Variants in UST observed in about 807,000 individuals in gnomAD.
The protein encoded by UST is chondroitin sulfate 2-O-sulfotransferase.
Under a neutral mutation model 45.6 loss-of-function variants are expected in UST, and 21 were observed. That is an observed-to-expected ratio of 0.46 (90% confidence interval 0.33 to 0.66). The LOEUF is 0.66. Among genes scored for constraint, UST ranks in the 30% least tolerant of loss-of-function variants. The pLI is 0.02. For synonymous variants in UST, 215 were observed against 200.6 expected, an observed-to-expected ratio of 1.07 and a Z score of -0.61; for missense variants, 463 against 512.4, an observed-to-expected ratio of 0.90 and a Z score of 0.93.
At chr6:148,759,155 A>G (rs1412080405) in intron 1 of UST, among the ~76,000 whole-genome samples, 1 of 152,184 alleles carries the variant, frequency 6.6e-6, no homozygotes, top group Non-Finnish European at 1.5e-5. Context: ...CATCCATAGC[A>G]GTGTTTCCAT....
At chr6:149,010,491 T>C (rs889296109) in intron 5 of UST, among the ~76,000 whole-genome samples, 3 of 152,302 alleles carry the variant, frequency 2.0e-5, no homozygotes, top group African/African-American at 7.2e-5. Context: ...CTCAAATGCT[T>C]AGTAAACTTT....
chr6:149,035,931 C>A (rs923973652), intron 7 of UST, among the ~76,000 whole-genome samples: 2 of 152,126 alleles, frequency 1.3e-5, no homozygotes, highest in Admixed American at 1.3e-4. Context: ...GTCCAGTTTT[C>A]CCACGGAAAA....
At chr6:148,808,372 A>G (rs1402716158) in intron 1 of UST, among the ~76,000 whole-genome samples, 2 of 152,132 alleles carry the variant, frequency 1.3e-5, no homozygotes, top group Non-Finnish European at 2.9e-5. Context: ...TTTTACCAGC[A>G]TAAGATCCTA....
intron 2 of UST, among the ~76,000 whole-genome samples, chr6:148,892,964 T>A (rs561455369): frequency 1.7e-4 from 26 of 151,986 alleles, no homozygotes; most frequent in Middle Eastern, 3.4e-3. Flanking sequence ...TTTCTTTTTT[T>A]AAAAAAAAGT....
chr6:148,817,102 G>T (rs1003584391), intron 1 of UST, among the ~76,000 whole-genome samples: 1 of 152,172 alleles, frequency 6.6e-6, no homozygotes, highest in African/African-American at 2.4e-5. Context: ...TTTTGGTGCA[G>T]GTGGCACGTG....
chr6:148,798,124 GA>G (rs1776986291), intron 1 of UST, among the ~76,000 whole-genome samples: 1 of 152,192 alleles, frequency 6.6e-6, no homozygotes, highest in Admixed American at 6.5e-5. Context: ...CCAGCCCAGA[GA>G]AGAAAAGAGC....
intron 1 of UST, among the ~76,000 whole-genome samples, chr6:148,791,455 T>C (rs1776846412): frequency 1.3e-5 from 2 of 152,364 alleles, no homozygotes; most frequent in African/African-American, 4.8e-5. Flanking sequence ...GGAGTTTACA[T>C]GTATTGGTGG....
chr6:148,976,150 T>A (rs1781012625), intron 5 of UST, among the ~76,000 whole-genome samples: 1 of 152,212 alleles, frequency 6.6e-6, no homozygotes, highest in South Asian at 2.1e-4. Context: ...ATGCTCAGCC[T>A]CATCTATAAT....
chr6:148,805,547 T>C (rs1200157192), intron 1 of UST, among the ~76,000 whole-genome samples: 2 of 152,236 alleles, frequency 1.3e-5, no homozygotes, highest in Non-Finnish European at 2.9e-5. Context: ...CATTTGATTA[T>C]AAGTGAAAAT....
chr6:148,774,450 G>T (rs974288129), intron 1 of UST, among the ~76,000 whole-genome samples: 30 of 151,900 alleles, frequency 2.0e-4, no homozygotes, highest in Admixed American at 1.3e-4. Flanking sequence ...TGAAACAAAG[G>T]TAATCTTAAT....
chr6:148,759,764 T>G (rs1449662107), intron 1 of UST, among the ~76,000 whole-genome samples: 1 of 136,154 alleles, frequency 7.3e-6, no homozygotes, highest in Non-Finnish European at 1.5e-5. Context: ...AGGAGAATGG[T>G]GTGAACCCGG....
At chr6:148,992,268 G>T (rs1324450379) in intron 5 of UST, among the ~76,000 whole-genome samples, 1 of 152,196 alleles carries the variant, frequency 6.6e-6, no homozygotes, top group African/African-American at 2.4e-5. Flanking sequence ...ACTTTGAGAG[G>T]CCGAGGCGGG....
At chr6:149,048,347 AGC>A (rs1445766744) in intron 7 of UST, among the ~76,000 whole-genome samples, 3 of 152,154 alleles carry the variant, frequency 2.0e-5, no homozygotes, top group Non-Finnish European at 4.4e-5. Context: ...GTTCGAGACC[AGC>A]CTGACCAAAA....
intron 2 of UST, among the ~76,000 whole-genome samples, chr6:148,922,384 C>G (rs1779726819): frequency 6.6e-6 from 1 of 152,022 alleles, no homozygotes; most frequent in Non-Finnish European, 1.5e-5. Flanking sequence ...TCTGACTTCT[C>G]TTACTCAGCA....
At chr6:148,771,859 TATC>T (rs2114674419) in intron 1 of UST, among the ~76,000 whole-genome samples, 1 of 152,336 alleles carries the variant, frequency 6.6e-6, no homozygotes, top group African/African-American at 2.4e-5. Context: ...GAGTGAAATG[TATC>T]ATATGTTACC....
intron 5 of UST, among the ~76,000 whole-genome samples, chr6:148,978,212 C>G (rs1357224090): frequency 6.6e-6 from 1 of 152,076 alleles, no homozygotes; most frequent in African/African-American, 2.4e-5. Flanking sequence ...TTTTATAACT[C>G]TTATCCATTT....
intron 1 of UST, among the ~76,000 whole-genome samples, chr6:148,874,036 G>A (rs1433771991): frequency 6.6e-6 from 1 of 152,248 alleles, no homozygotes; most frequent in Non-Finnish European, 1.5e-5. Flanking sequence ...TTAGAGGCTT[G>A]CCATGTGCAG....
At chr6:148,917,592 G>A (rs190005251) in intron 2 of UST, among the ~76,000 whole-genome samples, 2 of 152,276 alleles carry the variant, frequency 1.3e-5, no homozygotes, top group Admixed American at 6.5e-5. Context: ...TGTGTCCCCA[G>A]TGACTCTAAG....
At chr6:149,018,624 T>C (rs1276472483) in intron 5 of UST, among the ~76,000 whole-genome samples, 1 of 152,152 alleles carries the variant, frequency 6.6e-6, no homozygotes, top group African/African-American at 2.4e-5. Flanking sequence ...TATATAAACA[T>C]CCTGCTACTT....
Sources: allele counts gnomAD v4.1 joint callset (sites outside exome capture counted in the v4.1 genomes callset), GRCh38; gene constraint gnomAD v4.1.1; transcripts MANE v1.5; gene names NCBI Gene and HGNC (gene_info 2026-07-23, HGNC 2026-07-21).